The following CNTN4 variants were observed in gnomAD, a reference collection of about 807,000 sequenced individuals.
CNTN4 encodes contactin-4.
CNTN4 carries 77 observed loss-of-function variants against 122.5 expected under a neutral mutation model. That is an observed-to-expected ratio of 0.63 (90% confidence interval 0.52 to 0.76). The LOEUF (loss-of-function observed/expected upper bound fraction) is 0.76. CNTN4 is among the 30% of genes least tolerant of loss of function. The pLI, the probability that CNTN4 is intolerant of heterozygous loss-of-function variation, is 0.00. For missense variants in CNTN4, 1,256 were observed against 1,259.1 expected (o/e 1.00, Z 0.04); for synonymous variants, 512 against 447.0 (o/e 1.15, Z -1.83).
chr3:2,310,826 T>C (rs2042887435), intron 2 of CNTN4, among the ~76,000 whole-genome samples: 1 of 152,166 alleles, frequency 6.6e-6, no homozygotes, highest in African/African-American at 2.4e-5. Context: ...ATAAAAGGAT[T>C]GCATTTGAAT....
At chr3:2,327,297 A>G (rs907460678) in intron 2 of CNTN4, among the ~76,000 whole-genome samples, 1 of 152,194 alleles carries the variant, frequency 6.6e-6, no homozygotes, top group Admixed American at 6.5e-5. Flanking sequence ...ATTAGTCAAG[A>G]AATCAATCCT....
chr3:2,390,717 G>C (rs1258166582), intron 3 of CNTN4, among the ~76,000 whole-genome samples: 2 of 151,998 alleles, frequency 1.3e-5, no homozygotes, highest in African/African-American at 4.8e-5. Context: ...GTAAAACAAT[G>C]TTTGCAGAAT....
chr3:2,635,023 A>G (rs541982855), intron 4 of CNTN4, among the ~76,000 whole-genome samples: 6 of 152,302 alleles, frequency 3.9e-5, no homozygotes, highest in East Asian at 1.9e-4. Context: ...GTAACTAAAT[A>G]TAGATCAGCA....
At chr3:2,767,164 T>C (rs1034305598) in intron 6 of CNTN4, among the ~76,000 whole-genome samples, 2 of 152,188 alleles carry the variant, frequency 1.3e-5, no homozygotes, top group African/African-American at 4.8e-5. Context: ...GAGAAGCTGG[T>C]AAGAAAGGCA....
chr3:2,629,135 G>C (rs751499229), intron 4 of CNTN4, among the ~76,000 whole-genome samples: 1 of 152,164 alleles, frequency 6.6e-6, no homozygotes, highest in Non-Finnish European at 1.5e-5. Context: ...GAGGTCATAA[G>C]GGTGTGGCAC....
At chr3:2,111,130 T>G (rs1313535188) in intron 2 of CNTN4, among the ~76,000 whole-genome samples, 1 of 152,194 alleles carries the variant, frequency 6.6e-6, no homozygotes, top group East Asian at 1.9e-4. Flanking sequence ...TACCCTTTAT[T>G]TTCTTTTTTA....
intron 10 of CNTN4, among the ~76,000 whole-genome samples, chr3:2,889,784 C>G (rs1295145067): frequency 6.6e-6 from 1 of 152,104 alleles, no homozygotes; most frequent in Non-Finnish European, 1.5e-5. Flanking sequence ...GTATGTTAAA[C>G]TGGTATGAAA....
intron 3 of CNTN4, among the ~76,000 whole-genome samples, chr3:2,394,938 C>G (rs1168967382): frequency 6.6e-6 from 1 of 151,956 alleles, no homozygotes; most frequent in African/African-American, 2.4e-5. Flanking sequence ...AGACCCCCAC[C>G]ACCACACCCA....
intron 2 of CNTN4, among the ~76,000 whole-genome samples, chr3:2,102,024 A>G (rs541142760): frequency 2.6e-5 from 4 of 152,190 alleles, no homozygotes; most frequent in African/African-American, 9.7e-5. Flanking sequence ...TTTTCCTCTC[A>G]TGGACTCATA....
chr3:2,368,157 C>T (rs1387346437), intron 3 of CNTN4, among the ~76,000 whole-genome samples: 15 of 151,204 alleles, frequency 9.9e-5, no homozygotes, highest in Admixed American at 8.6e-4. Flanking sequence ...CTCAGCCTCC[C>T]GAGTAGCTGG....
chr3:2,532,465 G>T (rs2149241931), intron 3 of CNTN4, among the ~76,000 whole-genome samples: 1 of 152,180 alleles, frequency 6.6e-6, no homozygotes, highest in Admixed American at 6.5e-5. Flanking sequence ...TGACCAAAAT[G>T]TTTGTACTAG....
intron 3 of CNTN4, among the ~76,000 whole-genome samples, chr3:2,476,796 AT>A (rs1350201532): frequency 1.3e-5 from 2 of 152,180 alleles, no homozygotes; most frequent in African/African-American, 4.8e-5. Flanking sequence ...TAACAGGTGA[AT>A]TTTTATACTC....
chr3:2,369,799 AG>A (rs1178289558), intron 3 of CNTN4, among the ~76,000 whole-genome samples: 2 of 152,206 alleles, frequency 1.3e-5, no homozygotes, highest in Non-Finnish European at 2.9e-5. Flanking sequence ...TAAAAGAAAT[AG>A]TAACAGTTGC....
At chr3:2,498,026 T>C (rs2076498562) in intron 3 of CNTN4, among the ~76,000 whole-genome samples, 1 of 152,186 alleles carries the variant, frequency 6.6e-6, no homozygotes, top group Admixed American at 6.6e-5. Flanking sequence ...AAATGCCTTA[T>C]AGAAATATAG....
intron 12 of CNTN4, among the ~76,000 whole-genome samples, chr3:2,916,486 A>G (rs2094357072): frequency 6.7e-6 from 1 of 149,328 alleles, no homozygotes; most frequent in East Asian, 2.0e-4. Flanking sequence ...CTGAGTGGAC[A>G]CAACACATGT....
Position 2,175,661 on chromosome 3 carries a change from C to G in CNTN4, c.-145+75022C>G, listed in dbSNP as rs568369909. ...CTTGATACCAGATGACTTAATCTCT[C>G]TAACCATGATGTAATGAACCAGAGG... On this transcript the variant is annotated intron_variant, in intron 2 of 24. Transcript: ENST00000418658. 1.1e-4 allele frequency among the ~76,000 whole-genome samples: 16 copies of G among 152,248 alleles called. No individual in the cohort carries two copies. The East Asian group carries it at 2.3e-3, about 22-fold the overall frequency.
At chr3:2,868,917 G>T (rs1179635583) in intron 8 of CNTN4, among the ~76,000 whole-genome samples, 1 of 152,116 alleles carries the variant, frequency 6.6e-6, no homozygotes, top group African/African-American at 2.4e-5. Flanking sequence ...TTTGAGCTGA[G>T]ATCTGAATAG....
At chr3:2,979,371 GAGAAA>G (rs1031362263) in intron 13 of CNTN4, among the ~76,000 whole-genome samples, 1 of 152,138 alleles carries the variant, frequency 6.6e-6, no homozygotes, top group Non-Finnish European at 1.5e-5. Flanking sequence ...GGAATGAGAA[GAGAAA>G]AGAGAGAGAA....
chr3:2,758,735 G>T (rs1349639995), intron 6 of CNTN4, among the ~76,000 whole-genome samples: 1 of 151,958 alleles, frequency 6.6e-6, no homozygotes, highest in Non-Finnish European at 1.5e-5. Context: ...ACAAACTCCA[G>T]ACCTCAAGTG....
Sources: gnomAD v4.1 joint callset for allele counts (sites outside exome capture counted in the v4.1 genomes callset) on GRCh38, gnomAD v4.1.1 for gene constraint, MANE v1.5 for transcripts, NCBI Gene and HGNC (gene_info 2026-07-23, HGNC 2026-07-21) for gene names.